CDH4: variants seen among roughly 807,000 people sequenced by gnomAD.
CDH4 encodes cadherin 4.
Under a neutral mutation model 86.0 loss-of-function variants are expected in CDH4, and 33 were observed. The ratio of observed to expected loss-of-function variants is 0.38; its 90% CI spans 0.29 to 0.51. The LOEUF (loss-of-function observed/expected upper bound fraction) is 0.51. Ranked by LOEUF, CDH4 falls within the 20% of genes least tolerant of loss-of-function variation. The pLI, the probability that CDH4 is intolerant of heterozygous loss-of-function variation, is 0.86. For synonymous variants in CDH4, 555 were observed against 549.4 expected (o/e 1.01, Z -0.14); for missense variants, 1,114 against 1,307.4 (o/e 0.85, Z 2.28).
At chr20:61,761,500 TG>T (rs34728298) in intron 3 of CDH4, among the ~76,000 whole-genome samples, 1 of 152,126 alleles carries the variant, frequency 6.6e-6, no homozygotes, top group African/African-American at 2.4e-5. Context: ...TGTGTGTGGC[TG>T]GGGTCAGCCA....
chr20:61,421,580 C>T (rs897805907), intron 2 of CDH4, among the ~76,000 whole-genome samples: 2 of 150,304 alleles, frequency 1.3e-5, no homozygotes, highest in African/African-American at 4.9e-5. Flanking sequence ...TTGCACAGAG[C>T]CCCCTTGTGA....
chr20:61,845,390 C>G (rs1433644068), intron 5 of CDH4, among the ~76,000 whole-genome samples: 2 of 152,222 alleles, frequency 1.3e-5, no homozygotes, highest in African/African-American at 4.8e-5. Context: ...GCTAGAGAGA[C>G]GTGGGGCTGC....
At chr20:61,396,232 G>C (rs867113029) in intron 2 of CDH4, among the ~76,000 whole-genome samples, 75 of 152,284 alleles carry the variant, frequency 4.9e-4, no homozygotes, top group African/African-American at 1.8e-3. Flanking sequence ...CTCAGGTCGG[G>C]GTGGAGGGTG....
intron 2 of CDH4, among the ~76,000 whole-genome samples, chr20:61,637,049 G>T (rs2145796091): frequency 6.6e-6 from 1 of 152,342 alleles, no homozygotes; most frequent in East Asian, 1.9e-4. Flanking sequence ...GCAGGCAGGG[G>T]AGCCTCAGTT....
chr20:61,332,029 A>G (rs1167449368), intron 2 of CDH4, among the ~76,000 whole-genome samples: 1 of 152,198 alleles, frequency 6.6e-6, no homozygotes, highest in Non-Finnish European at 1.5e-5. Flanking sequence ...AGGGCCAGGC[A>G]CAGGTGGGCT....
At chr20:61,373,756 C>T (rs896404083) in intron 2 of CDH4, among the ~76,000 whole-genome samples, 1 of 152,178 alleles carries the variant, frequency 6.6e-6, no homozygotes, top group African/African-American at 2.4e-5. Flanking sequence ...GGGTGCCATG[C>T]GGGTTGGCTG....
intron 2 of CDH4, among the ~76,000 whole-genome samples, chr20:61,732,921 C>T (rs2088211483): frequency 6.6e-6 from 1 of 152,194 alleles, no homozygotes; most frequent in African/African-American, 2.4e-5. Context: ...ATGTGGCCTC[C>T]GCCCTGTGCC....
At chr20:61,717,342 C>A (rs2087968813) in intron 2 of CDH4, among the ~76,000 whole-genome samples, 1 of 152,238 alleles carries the variant, frequency 6.6e-6, no homozygotes. Flanking sequence ...GCAGGACCAG[C>A]CACAGACGCT....
At chr20:61,421,012 T>C (rs1274547190) in intron 2 of CDH4, among the ~76,000 whole-genome samples, 1 of 152,246 alleles carries the variant, frequency 6.6e-6, no homozygotes, top group Non-Finnish European at 1.5e-5. Flanking sequence ...CTGCCAGCCA[T>C]GTGGATGGGT....
chr20:61,302,220 C>T (rs1489785788), intron 2 of CDH4, among the ~76,000 whole-genome samples: 5 of 152,162 alleles, frequency 3.3e-5, no homozygotes, highest in Admixed American at 6.5e-5. Flanking sequence ...GGCCGGTTTC[C>T]GTGTGAGGGC....
intron 2 of CDH4, among the ~76,000 whole-genome samples, chr20:61,564,656 CTCTT>C (rs1423452625): frequency 6.6e-6 from 1 of 152,180 alleles, no homozygotes; most frequent in Non-Finnish European, 1.5e-5. Context: ...AAAATAAAAC[CTCTT>C]TCTTTATAAA....
chr20:61,408,169 A>G (rs2085094633), intron 2 of CDH4, among the ~76,000 whole-genome samples: 1 of 152,080 alleles, frequency 6.6e-6, no homozygotes, highest in African/African-American at 2.4e-5. Context: ...AGGGTCCCTG[A>G]GATTACACTT....
chr20:61,822,422 A>G (rs190629257), intron 4 of CDH4, among the ~76,000 whole-genome samples: 538 of 152,354 alleles, frequency 3.5e-3, no homozygotes, highest in African/African-American at 0.011. Context: ...AATAAAACTG[A>G]TAACAGGGGA....
chr20:61,742,237 C>G (rs1568789953), intron 2 of CDH4, among the ~76,000 whole-genome samples: 1 of 152,256 alleles, frequency 6.6e-6, no homozygotes, highest in East Asian at 1.9e-4. Flanking sequence ...CACCGGGGGG[C>G]TCTGGAGTCT....
At chr20:61,827,856 A>G (rs1048628135) in intron 4 of CDH4, among the ~76,000 whole-genome samples, 7 of 152,204 alleles carry the variant, frequency 4.6e-5, no homozygotes, top group African/African-American at 1.7e-4. Flanking sequence ...TCAAAATGGA[A>G]CAGTTTCTCA....
At chr20:61,485,403 C>A (rs2085590748) in intron 2 of CDH4, among the ~76,000 whole-genome samples, 1 of 152,146 alleles carries the variant, frequency 6.6e-6, no homozygotes, top group Admixed American at 6.5e-5. Context: ...GTTAGCACAC[C>A]AGGGCCCTCC....
At chr20:61,851,102 C>G (rs575402239) in intron 5 of CDH4, among the ~76,000 whole-genome samples, 2 of 152,186 alleles carry the variant, frequency 1.3e-5, no homozygotes, top group African/African-American at 4.8e-5. Context: ...GGAGTCTGCC[C>G]GCGACGGGGC....
intron 2 of CDH4, among the ~76,000 whole-genome samples, chr20:61,312,720 C>G (rs903779393): frequency 6.6e-6 from 1 of 152,152 alleles, no homozygotes; most frequent in Non-Finnish European, 1.5e-5. Context: ...TACTCCATGT[C>G]CGAGGATGTG....
rs146830133 is a variant in CDH4 at position 61,363,032 on chromosome 20, C to T, written c.169+108095C>T. On this transcript the variant is annotated intron_variant, in intron 2 of 15. Coordinates refer to ENST00000614565, the MANE Select transcript of CDH4 (RefSeq NM_001794.5). ...AAAAGTGGCTCTGGACTCTGGGGTT[C>T]CCATTTGTGAGGACAGTGAGTTTCT... Among the ~76,000 whole-genome samples, 453 of 152,178 alleles carry T rather than the reference C, an allele frequency of 3.0e-3. 11 individuals carry two copies. The highest frequency in any genetic ancestry group is 0.024 in the Admixed American group (373 of 15,288).
Sources: allele counts gnomAD v4.1 joint callset (sites outside exome capture counted in the v4.1 genomes callset), GRCh38; gene constraint gnomAD v4.1.1; transcripts MANE v1.5; gene names NCBI Gene and HGNC (gene_info 2026-07-23, HGNC 2026-07-21).